CYB5R3: variants seen among roughly 807,000 people sequenced by gnomAD.
The protein encoded by CYB5R3 is cytochrome b5 reductase 3.
In CYB5R3, 28 loss-of-function variants were observed where a neutral mutation model predicts 36.5. The observed-to-expected ratio is 0.77, with a 90% confidence interval of 0.57 to 1.05. The LOEUF (loss-of-function observed/expected upper bound fraction) is 1.05. CYB5R3 is among the 50% of genes least tolerant of loss of function. The probability of loss-of-function intolerance (pLI) is 0.00; values close to 1 mark genes in which losing one functional copy is unlikely to be tolerated. For synonymous variants in CYB5R3, 181 were observed against 159.8 expected (o/e 1.13, Z -1.00); for missense variants, 474 against 408.9 (o/e 1.16, Z -1.37).
chr22:42,623,333 A>C (rs1180105240), intron 8 of CYB5R3, among the ~76,000 whole-genome samples: 1 of 152,174 alleles, frequency 6.6e-6, no homozygotes, highest in African/African-American at 2.4e-5. Context: ...AGGTGGAACA[A>C]GGGTAACCCC....
rs67349863 is a variant in CYB5R3 at position 42,638,728 on chromosome 22, T to TAAAAAAAAAAAAAAAAAAAA, written c.22-1902_22-1883dup. Among the ~76,000 whole-genome samples, 267 of 47,476 alleles carry TAAAAAAAAAAAAAAAAAAAA rather than the reference T, an allele frequency of 5.6e-3. 16 individuals carry two copies. Among genetic ancestry groups the TAAAAAAAAAAAAAAAAAAAA allele is most frequent in the Middle Eastern group, 0.025 (2 of 80 alleles). The allele number at this position is 47,476 out of a possible 152,430, so 31.1% of individuals were successfully genotyped here. On this transcript the variant is annotated intron_variant, in intron 1 of 8. Transcript: ENST00000352397. ...GCCTGGGAGACAGAGCAAGACTCCATAAAAAAAAAAAAAAAAAAAAAAGGC... is the reference window on the plus strand; with the variant it reads ...GCCTGGGAGACAGAGCAAGACTCCATAAAAAAAAAAAAAAAAAAAAAAAAAAAAAAAAAAAAAAAAAAGGC...
chr22:42,622,643 T>G (rs1202148762), intron 8 of CYB5R3, among the ~76,000 whole-genome samples: 3 of 152,066 alleles, frequency 2.0e-5, no homozygotes, highest in African/African-American at 4.8e-5. Flanking sequence ...AGCTCCTAGG[T>G]GCTAGCCAGG....
intron 2 of CYB5R3, among the ~76,000 whole-genome samples, chr22:42,634,843 A>C: frequency 7.5e-6 from 1 of 133,490 alleles, no homozygotes; most frequent in East Asian, 2.6e-4. Context: ...CTTGCTCTGT[A>C]GCCCAGGCTG....
intron 8 of CYB5R3, among the ~76,000 whole-genome samples, chr22:42,620,426 C>T (rs1405494488): frequency 6.6e-6 from 1 of 152,110 alleles, no homozygotes; most frequent in Non-Finnish European, 1.5e-5. Context: ...TCTAACTGCC[C>T]CCACCTCCAT....
chr22:42,628,916 G>C (rs1166424958), intron 4 of CYB5R3, among the ~76,000 whole-genome samples: 1 of 152,102 alleles, frequency 6.6e-6, no homozygotes, highest in African/African-American at 2.4e-5. Flanking sequence ...GCCTGTTGTG[G>C]CTTCAGCACA....
At position 42,631,007 on chromosome 22, in the gene CYB5R3, T is replaced by A; in HGVS notation, c.227-19A>T. The A allele has an allele frequency of 1.2e-6, 2 of 1,606,724 alleles. No homozygotes were observed. The highest frequency in any genetic ancestry group is 1.7e-5 in the Admixed American group (1 of 59,758). On this transcript the variant is annotated intron_variant, in intron 3 of 8. Coordinates refer to ENST00000352397, the MANE Select transcript of CYB5R3 (RefSeq NM_000398.7). ...TGCTGGCCTGCAGGACAGAACGGGG[T>A]CACTCTGGGCCAGAGATCATCCTGC...
intron 1 of CYB5R3, among the ~76,000 whole-genome samples, chr22:42,641,265 T>C (rs893106914): frequency 1.3e-5 from 2 of 152,206 alleles, no homozygotes; most frequent in Admixed American, 1.3e-4. Context: ...TAGTCAATAG[T>C]ATATTAGTAG....
intron 1 of CYB5R3, chr22:42,646,595 C>G (rs1601953411): frequency 1.0e-6 from 1 of 963,718 alleles, no homozygotes; most frequent in East Asian, 1.1e-4. Flanking sequence ...CAGGTGCCAG[C>G]TCCCTGCCCT....
chr22:42,629,261 C>T (rs576159867), intron 4 of CYB5R3, among the ~76,000 whole-genome samples: 1 of 152,306 alleles, frequency 6.6e-6, no homozygotes, highest in East Asian at 1.9e-4. Context: ...ACCTCTCCCA[C>T]CCCTTGCCCC....
chr22:42,619,942 C>A lies in CYB5R3; in HGVS notation c.737G>T (p.Trp246Leu), dbSNP rs867062374. 6.3e-7 allele frequency: 1 copy of A among 1,597,338 alleles called. No homozygotes were observed. Among genetic ancestry groups the A allele is most frequent in the East Asian group, 2.3e-5 (1 of 44,078 alleles). The change falls in exon 9 of 9, where the codon TGG becomes TTG. Residue 246 changes from tryptophan to leucine, a missense_variant. By Grantham distance (61) the Trp-to-Leu change is moderately conservative. Coordinates refer to ENST00000352397, the MANE Select transcript of CYB5R3 (RefSeq NM_000398.7). Reference sequence around the variant, plus strand: ...ATTCACGAAGCCCTGGCCGTAGTCCCAGGCTGTGGGGTGAGAGACCAGGTA... The same window carrying A: ...ATTCACGAAGCCCTGGCCGTAGTCCAAGGCTGTGGGGTGAGAGACCAGGTA... ...WYTLDRAPEA[W>L]DYGQGFVNEE...
At chr22:42,639,573 A>G (rs1311085639) in intron 1 of CYB5R3, among the ~76,000 whole-genome samples, 1 of 151,866 alleles carries the variant, frequency 6.6e-6, no homozygotes. Flanking sequence ...GGTTGCAGTG[A>G]GCCGAGATCA....
chr22:42,627,176 G>C (rs1005042702), intron 7 of CYB5R3, 128 bp downstream of exon 7: 1 of 819,356 alleles, frequency 1.2e-6, no homozygotes, highest in Non-Finnish European at 2.1e-6. Context: ...GAACATTCAG[G>C]GCCCCCCATC....
At chr22:42,634,622 T>TTGAC (rs1334975106) in intron 2 of CYB5R3, among the ~76,000 whole-genome samples, 1 of 144,898 alleles carries the variant, frequency 6.9e-6, no homozygotes, top group Admixed American at 6.9e-5. Context: ...AATTTTCATA[T>TTGAC]TGATTGATTG....
rs563620991 is a variant in CYB5R3 at position 42,619,747 on chromosome 22, G to A, written c.*26C>T. 5 of 1,549,402 alleles carry A rather than the reference G, an allele frequency of 3.2e-6. No homozygotes were observed. Among genetic ancestry groups the A allele is most frequent in the South Asian group, 1.2e-5 (1 of 84,604 alleles). ...AACAGGGCGTGGGGTGCGCGGGGCG[G>A]GTGGCCGTGTGACCGTGCCCGGCCC... is the stretch of plus-strand genomic sequence containing the variant. On this transcript the variant is annotated 3_prime_UTR_variant, in exon 9 of 9. Coordinates refer to ENST00000352397, the MANE Select transcript of CYB5R3 (RefSeq NM_000398.7).
chr22:42,628,039 A>G lies in CYB5R3; in HGVS notation c.463+113T>C, dbSNP rs894710012. The G allele has an allele frequency of 6.2e-6, 9 of 1,450,672 alleles. No individual in the cohort carries two copies. The South Asian group carries it at 6.9e-5, about 11-fold the overall frequency. The allele number at this position is 1,450,672 out of a possible 1,614,324, so 89.9% of individuals were successfully genotyped here. On this transcript the variant is annotated intron_variant, in intron 5 of 8. Coordinates refer to ENST00000352397, the MANE Select transcript of CYB5R3 (RefSeq NM_000398.7). ...TTCCCAGAGAGGGACAGCTGGCCTG[A>G]CGAGAGTCACCCATCCACACAGAGC...
At chr22:42,642,252 C>T (rs1002486667) in intron 1 of CYB5R3, among the ~76,000 whole-genome samples, 1 of 151,872 alleles carries the variant, frequency 6.6e-6, no homozygotes, top group African/African-American at 2.4e-5. Flanking sequence ...ACTGGGGCTA[C>T]AGGCACGTAC....
At chr22:42,623,540 G>A (rs914919634) in intron 8 of CYB5R3, among the ~76,000 whole-genome samples, 12 of 152,188 alleles carry the variant, frequency 7.9e-5, no homozygotes, top group African/African-American at 1.9e-4. Flanking sequence ...AGTGCAGTGC[G>A]CCCGGGAAAG....
intron 1 of CYB5R3, chr22:42,644,437 G>A (rs753052432): frequency 7.9e-6 from 6 of 756,976 alleles, no homozygotes; most frequent in Admixed American, 2.0e-5. Flanking sequence ...TGCTTCAGGC[G>A]TTCGCATATG....
At chr22:42,628,074 G>A in intron 5 of CYB5R3, 78 bp downstream of exon 5, 3 of 1,590,842 alleles carry the variant, frequency 1.9e-6, no homozygotes, top group Non-Finnish European at 1.7e-6. Context: ...CCAGGGGCCT[G>A]CACCCTGCAC....
Sources: gnomAD v4.1 joint callset for allele counts (sites outside exome capture counted in the v4.1 genomes callset) on GRCh38, gnomAD v4.1.1 for gene constraint, MANE v1.5 for transcripts, NCBI Gene and HGNC (gene_info 2026-07-23, HGNC 2026-07-21) for gene names.